Variants in NELL1 observed in about 807,000 individuals in gnomAD.
NELL1 encodes neural EGFL like 1, also known as protein kinase C-binding protein NELL1.
Under a neutral mutation model 107.4 loss-of-function variants are expected in NELL1, and 76 were observed. The observed-to-expected ratio is 0.71, with a 90% CI of 0.59 to 0.86. NELL1 has a LOEUF of 0.86. Ranked by LOEUF, NELL1 falls within the 40% of genes least tolerant of loss-of-function variation. NELL1 has a pLI of 0.00. For synonymous variants in NELL1, 353 were observed against 341.2 expected (o/e 1.03, Z -0.38); for missense variants, 1,024 against 1,005.5 (o/e 1.02, Z -0.25).
chr11:20,693,883 T>C (rs1454068166), intron 2 of NELL1, among the ~76,000 whole-genome samples: 2 of 152,202 alleles, frequency 1.3e-5, no homozygotes, highest in African/African-American at 4.8e-5. Context: ...CAGAGTGTTT[T>C]CCAACTTGGT....
chr11:21,458,640 T>G (rs188297658), intron 15 of NELL1, among the ~76,000 whole-genome samples: 289 of 152,230 alleles, frequency 1.9e-3, no homozygotes, highest in African/African-American at 6.9e-3. Flanking sequence ...GAGTGTAATC[T>G]AAATGTTGAA....
chr11:20,684,948 G>T (rs148211100), intron 2 of NELL1, among the ~76,000 whole-genome samples: 22 of 152,086 alleles, frequency 1.4e-4, no homozygotes, highest in Non-Finnish European at 2.9e-4. Flanking sequence ...TTGCCTTTTG[G>T]GTGGGTCTTT....
chr11:21,491,353 C>T (rs1854804232), intron 15 of NELL1, among the ~76,000 whole-genome samples: 1 of 152,086 alleles, frequency 6.6e-6, no homozygotes, highest in Non-Finnish European at 1.5e-5. Flanking sequence ...AGTCTTTAAT[C>T]CATCTTGAAT....
chr11:20,959,446 A>G (rs1173695753), intron 11 of NELL1, among the ~76,000 whole-genome samples: 1 of 152,196 alleles, frequency 6.6e-6, no homozygotes, highest in Non-Finnish European at 1.5e-5. Flanking sequence ...ATCAGAGTGG[A>G]TAAAGAAACT....
chr11:20,847,589 T>G lies in NELL1; in HGVS notation c.342T>G (p.Phe114Leu). The G allele has an allele frequency of 6.2e-7, 1 of 1,612,130 alleles. No individual in the cohort carries two copies. The highest frequency in any genetic ancestry group is 1.1e-5 in the South Asian group (1 of 90,610). The change falls in exon 4 of 20, where the codon TTT (phenylalanine) becomes TTG (leucine). Residue 114 changes from phenylalanine (F) to leucine (L), a missense_variant. Phe to Leu is a conservative substitution (Grantham distance 22). Coordinates refer to ENST00000357134, the MANE Select transcript of NELL1 (RefSeq NM_006157.5). ...TTTGTTCCTTTACATACAGCTATTTTGAACTGGAGAGCAGTGGCCTGAGGG... is the reference window on the plus strand; with the variant it reads ...TTTGTTCCTTTACATACAGCTATTTGGAACTGGAGAGCAGTGGCCTGAGGG... ...LSIRELEHSY[F>L]ELESSGLRDE...
chr11:20,730,492 C>A (rs953882981), intron 2 of NELL1, among the ~76,000 whole-genome samples: 1 of 152,058 alleles, frequency 6.6e-6, no homozygotes. Context: ...AAGCCAATAC[C>A]CAGAGAGGTT....
intron 15 of NELL1, among the ~76,000 whole-genome samples, chr11:21,397,328 C>T (rs4244549): frequency 6.6e-6 from 1 of 151,340 alleles, no homozygotes; most frequent in African/African-American, 2.4e-5. Flanking sequence ...CCTCTTAAAG[C>T]TTCCATTGAT....
chr11:21,370,709 T>C, intron 14 of NELL1, 144 bp from the exon 15 acceptor site: 1 of 603,644 alleles, frequency 1.7e-6, no homozygotes, highest in Non-Finnish European at 2.9e-6. Context: ...TTATTTCTTT[T>C]TCTGTATGGA....
At chr11:20,803,878 A>T (rs1857328379) in intron 3 of NELL1, among the ~76,000 whole-genome samples, 1 of 152,082 alleles carries the variant, frequency 6.6e-6, no homozygotes, top group Non-Finnish European at 1.5e-5. Flanking sequence ...AGGCAGAAAA[A>T]TGTGAAAAGA....
At chr11:21,108,111 A>C (rs1023134200) in intron 12 of NELL1, among the ~76,000 whole-genome samples, 1 of 152,154 alleles carries the variant, frequency 6.6e-6, no homozygotes, top group African/African-American at 2.4e-5. Flanking sequence ...TTCCTTTTTA[A>C]ATGTACACAG....
At chr11:20,745,511 C>A (rs935414305) in intron 2 of NELL1, among the ~76,000 whole-genome samples, 2 of 152,138 alleles carry the variant, frequency 1.3e-5, no homozygotes, top group South Asian at 4.1e-4. Context: ...ACAGTAGGAA[C>A]TTTGAATGTT....
chr11:21,016,588 A>C (rs1314297003), intron 12 of NELL1, among the ~76,000 whole-genome samples: 1 of 151,908 alleles, frequency 6.6e-6, no homozygotes, highest in African/African-American at 2.4e-5. Context: ...TCTTACCTCA[A>C]ATTACCTTTC....
At chr11:21,233,704 G>T (rs1484779671) in intron 14 of NELL1, among the ~76,000 whole-genome samples, 1 of 152,184 alleles carries the variant, frequency 6.6e-6, no homozygotes, top group Non-Finnish European at 1.5e-5. Context: ...TGAAGGTTAG[G>T]CTTATCAGCA....
intron 13 of NELL1, among the ~76,000 whole-genome samples, chr11:21,196,561 A>G (rs1003578198): frequency 6.6e-6 from 1 of 152,030 alleles, no homozygotes; most frequent in East Asian, 1.9e-4. Context: ...GTCTTCATTT[A>G]TGTGTCCTCA....
chr11:20,755,800 C>A (rs1309692571), intron 2 of NELL1, among the ~76,000 whole-genome samples: 6 of 150,590 alleles, frequency 4.0e-5, no homozygotes, highest in Admixed American at 2.0e-4. Context: ...AGGTGATCCA[C>A]CCACCTTGGC....
At chr11:21,280,034 C>T (rs1417107366) in intron 14 of NELL1, among the ~76,000 whole-genome samples, 2 of 152,088 alleles carry the variant, frequency 1.3e-5, no homozygotes, top group Admixed American at 6.6e-5. Flanking sequence ...GTAAAATCTT[C>T]AGGGGATTCC....
intron 12 of NELL1, among the ~76,000 whole-genome samples, chr11:20,997,108 C>T (rs1852108228): frequency 6.6e-6 from 1 of 152,002 alleles, no homozygotes; most frequent in Non-Finnish European, 1.5e-5. Flanking sequence ...AGAGGAAAAA[C>T]ACATCAAAGT....
At chr11:21,235,328 T>C (rs1858178115) in intron 14 of NELL1, among the ~76,000 whole-genome samples, 1 of 152,092 alleles carries the variant, frequency 6.6e-6, no homozygotes, top group South Asian at 2.1e-4. Context: ...ATAGAGCAAT[T>C]TCATAACAGT....
intron 14 of NELL1, among the ~76,000 whole-genome samples, chr11:21,237,019 A>T (rs891910002): frequency 6.6e-6 from 1 of 152,084 alleles, no homozygotes; most frequent in African/African-American, 2.4e-5. Flanking sequence ...ATCTTTACTG[A>T]TATATTGGCC....
Sources: allele counts gnomAD v4.1 joint callset (sites outside exome capture counted in the v4.1 genomes callset), GRCh38; gene constraint gnomAD v4.1.1; transcripts MANE v1.5; gene names NCBI Gene and HGNC (gene_info 2026-07-23, HGNC 2026-07-21).